The following DACH1 variants were observed in gnomAD, a reference collection of about 807,000 sequenced individuals.
The protein encoded by DACH1 is dachshund homolog 1.
In DACH1, 12 loss-of-function variants were observed where a neutral mutation model predicts 54.2. The ratio of observed to expected loss-of-function variants is 0.22; its 90% confidence interval spans 0.14 to 0.36. The LOEUF is 0.36. DACH1 is among the 10% of genes least tolerant of loss of function. DACH1 has a pLI of 1.00. For synonymous variants in DACH1, 386 were observed against 366.2 expected, an observed-to-expected ratio of 1.05 and a Z score of -0.62; for missense variants, 805 against 929.8, an observed-to-expected ratio of 0.87 and a Z score of 1.75.
At chr13:71,803,893 A>G (rs1377935703) in intron 1 of DACH1, among the ~76,000 whole-genome samples, 1 of 152,192 alleles carries the variant, frequency 6.6e-6, no homozygotes, top group Non-Finnish European at 1.5e-5. Flanking sequence ...ATTCTTAGAC[A>G]TCTTGTCATG....
At position 71,560,773 on chromosome 13, in the gene DACH1, T is replaced by A. The variant is rs755909776; in HGVS notation, c.1300-818A>T. On this transcript the variant is annotated intron_variant, in intron 4 of 10. Transcript: ENST00000613252. ...AGCTATTATAAATGGAATTACAGATTAAGAAAGAAGGTACCCATTGGTGAA... is the reference window on the plus strand; with the variant it reads ...AGCTATTATAAATGGAATTACAGATAAAGAAAGAAGGTACCCATTGGTGAA... Among the ~76,000 whole-genome samples the A allele has an allele frequency of 7.8e-4, 119 of 152,260 alleles. No homozygotes were observed. The East Asian group carries it at 0.021, about 27-fold the overall frequency.
chr13:71,843,887 C>G (rs949171719), intron 1 of DACH1, among the ~76,000 whole-genome samples: 1 of 152,160 alleles, frequency 6.6e-6, no homozygotes, highest in African/African-American at 2.4e-5. Context: ...AAACTAGGAA[C>G]ATTTATTCCT....
chr13:71,508,247 T>C (rs1880486106), intron 6 of DACH1, among the ~76,000 whole-genome samples: 1 of 152,188 alleles, frequency 6.6e-6, no homozygotes, highest in African/African-American at 2.4e-5. Context: ...CTAAATATCT[T>C]GTGATATAAT....
chr13:71,448,627 T>A (rs953567050), intron 10 of DACH1, among the ~76,000 whole-genome samples: 31 of 152,202 alleles, frequency 2.0e-4, no homozygotes, highest in Non-Finnish European at 4.4e-4. Context: ...ACATTAAACA[T>A]GAGAAATATT....
intron 4 of DACH1, among the ~76,000 whole-genome samples, chr13:71,572,346 T>A (rs924206226): frequency 6.6e-6 from 1 of 152,124 alleles, no homozygotes; most frequent in African/African-American, 2.4e-5. Context: ...TTTAATTTAG[T>A]GTATTTTTGA....
At chr13:71,781,880 A>G (rs2138068536) in intron 1 of DACH1, among the ~76,000 whole-genome samples, 1 of 152,234 alleles carries the variant, frequency 6.6e-6, no homozygotes, top group African/African-American at 2.4e-5. Context: ...CACTACACAA[A>G]AGGTTTGTGA....
intron 1 of DACH1, among the ~76,000 whole-genome samples, chr13:71,827,302 C>T (rs911864552): frequency 1.3e-5 from 2 of 152,022 alleles, no homozygotes; most frequent in African/African-American, 2.4e-5. Flanking sequence ...CTTACAACTC[C>T]GTGAACTAGA....
chr13:71,734,169 CAT>C lies in DACH1; in HGVS notation c.849-52261_849-52260del, dbSNP rs1229232288. ...ATGTATATCCCATATACGTATACCC[CAT>C]ATATATGTATATCCCATATACGTAT... On this transcript the variant is annotated intron_variant, in intron 1 of 10. Coordinates refer to ENST00000613252, the MANE Select transcript of DACH1 (RefSeq NM_080759.6). 9.8e-5 allele frequency among the ~76,000 whole-genome samples: 11 copies of C among 112,134 alleles called. 1 individual carries two copies. The East Asian group carries it at 2.8e-3, about 29-fold the overall frequency. The allele number at this position is 112,134 out of a possible 152,430, so 73.6% of individuals were successfully genotyped here.
Position 71,863,453 on chromosome 13 carries a change from A to G in DACH1, c.848+2469T>C, listed in dbSNP as rs560285677. Among the ~76,000 whole-genome samples, 553 of 152,312 alleles carry G rather than the reference A, an allele frequency of 3.6e-3. 3 individuals are homozygous for G. The highest frequency in any genetic ancestry group is 0.013 in the African/African-American group (529 of 41,582). ...CTTTAACTTAAAAATAACTTGAAATAGGGTTTTAGAGCAACACATGTAATT... is the reference window on the plus strand; with the variant it reads ...CTTTAACTTAAAAATAACTTGAAATGGGGTTTTAGAGCAACACATGTAATT... On this transcript the variant is annotated intron_variant, in intron 1 of 10. Transcript: ENST00000613252.
chr13:71,799,955 T>G (rs115665133), intron 1 of DACH1, among the ~76,000 whole-genome samples: 1,754 of 152,176 alleles, frequency 0.012, 31 homozygotes, highest in African/African-American at 0.039. Context: ...CTTTTTCTAT[T>G]TATGTTTAGA....
intron 10 of DACH1, among the ~76,000 whole-genome samples, chr13:71,444,153 C>T (rs543416782): frequency 7.2e-5 from 11 of 152,160 alleles, no homozygotes; most frequent in African/African-American, 2.4e-4. Flanking sequence ...ATATTTACTA[C>T]CACTTGGCTA....
intron 10 of DACH1, among the ~76,000 whole-genome samples, chr13:71,447,039 T>C (rs2138106149): frequency 6.6e-6 from 1 of 152,310 alleles, no homozygotes; most frequent in Middle Eastern, 3.4e-3. Flanking sequence ...TCAAAGTTCA[T>C]TGTGATTTGA....
intron 1 of DACH1, among the ~76,000 whole-genome samples, chr13:71,848,282 C>T (rs946283634): frequency 1.3e-5 from 2 of 152,010 alleles, no homozygotes; most frequent in Non-Finnish European, 2.9e-5. Context: ...AAAAATTTAA[C>T]CATGTTAATC....
intron 6 of DACH1, among the ~76,000 whole-genome samples, chr13:71,491,669 C>A (rs181875523): frequency 6.6e-6 from 1 of 152,132 alleles, no homozygotes; most frequent in Non-Finnish European, 1.5e-5. Flanking sequence ...CACAAACAAA[C>A]TACTTGAAGA....
intron 3 of DACH1, among the ~76,000 whole-genome samples, chr13:71,574,508 G>A (rs1442389792): frequency 6.6e-6 from 1 of 152,066 alleles, no homozygotes; most frequent in Non-Finnish European, 1.5e-5. Context: ...AAGCCTCATT[G>A]TAAAATCTCT....
At chr13:71,770,488 T>A (rs1439947021) in intron 1 of DACH1, among the ~76,000 whole-genome samples, 2 of 151,632 alleles carry the variant, frequency 1.3e-5, no homozygotes, top group Admixed American at 1.3e-4. Context: ...ATTATTCACA[T>A]GCCCCGTAAT....
chr13:71,658,435 AG>A (rs1273495242), intron 2 of DACH1, among the ~76,000 whole-genome samples: 2 of 152,122 alleles, frequency 1.3e-5, no homozygotes, highest in African/African-American at 4.8e-5. Context: ...CTGTGATCCC[AG>A]GTACTTGGCA....
intron 1 of DACH1, among the ~76,000 whole-genome samples, chr13:71,807,865 G>T (rs1482123800): frequency 3.3e-5 from 5 of 152,042 alleles, no homozygotes; most frequent in African/African-American, 1.2e-4. Flanking sequence ...GACACTGCCT[G>T]GGTAAATTTA....
intron 3 of DACH1, among the ~76,000 whole-genome samples, chr13:71,607,286 A>T (rs936177176): frequency 3.3e-5 from 5 of 151,978 alleles, no homozygotes; most frequent in African/African-American, 9.7e-5. Flanking sequence ...TTTGATATTT[A>T]AAAATTCCTG....
Sources: gnomAD v4.1 joint callset for allele counts (sites outside exome capture counted in the v4.1 genomes callset) on GRCh38, gnomAD v4.1.1 for gene constraint, MANE v1.5 for transcripts, NCBI Gene and HGNC (gene_info 2026-07-23, HGNC 2026-07-21) for gene names.